TNRC18: variants seen among roughly 807,000 people sequenced by gnomAD.
TNRC18 encodes trinucleotide repeat-containing gene 18 protein.
Under a neutral mutation model 226.7 loss-of-function variants are expected in TNRC18, and 69 were observed. The observed-to-expected ratio is 0.30, with a 90% CI of 0.25 to 0.37. The LOEUF is 0.37. TNRC18 is among the 10% of genes least tolerant of loss of function. TNRC18 has a pLI of 1.00. For synonymous variants in TNRC18, 2,449 were observed against 1,927.6 expected, an observed-to-expected ratio of 1.27 and a Z score of -7.09; for missense variants, 4,754 against 4,256.6, an observed-to-expected ratio of 1.12 and a Z score of -3.25.
chr7:5,364,036 G>A (rs993111018), intron 11 of TNRC18, among the ~76,000 whole-genome samples: 15 of 152,196 alleles, frequency 9.9e-5, no homozygotes, highest in African/African-American at 3.1e-4. Context: ...AGTGGCTCAC[G>A]CCTGTAATCC....
intron 19 of TNRC18, among the ~76,000 whole-genome samples, chr7:5,325,756 A>G: frequency 9.0e-6 from 1 of 110,868 alleles, no homozygotes; most frequent in Non-Finnish European, 1.7e-5. Context: ...TTTTTTTTAG[A>G]GACAAGGTCT....
chr7:5,314,305 T>C (rs1435436881), intron 26 of TNRC18, among the ~76,000 whole-genome samples: 4 of 152,162 alleles, frequency 2.6e-5, no homozygotes, highest in African/African-American at 9.7e-5. Flanking sequence ...CTGCTACTTC[T>C]TGAGCAGAAC....
rs1780095889 is a variant in TNRC18 at position 5,389,311 on chromosome 7, C to G, written c.513G>C (p.Gly171=). 7.8e-7 allele frequency: 1 copy of G among 1,279,846 alleles called. No homozygotes were observed. The highest frequency in any genetic ancestry group is 1.5e-5 in the African/African-American group (1 of 65,082). 79.3% of individuals were successfully genotyped at this position (1,279,846 alleles called of 1,614,324 possible). A position where few individuals can be genotyped will look rare whatever the true frequency, so the allele number is the denominator to read the frequency against. ...GGDGFYLPTA[G]APGSLHSHAP... is the part of the protein sequence containing the mutation. Reference sequence around the variant, plus strand: ...CGTGAGAGTGCAGGGAGCCCGGAGCCCCCGCGGTGGGCAGGTAGAAACCGT... The same window carrying G: ...CGTGAGAGTGCAGGGAGCCCGGAGCGCCCGCGGTGGGCAGGTAGAAACCGT... Residue 171 remains glycine (G), a synonymous_variant, in exon 5 of 30, where the codon GGG becomes GGC. Transcript: ENST00000430969.
chr7:5,315,908 G>A, intron 25 of TNRC18, 48 bp downstream of exon 25: 1 of 1,433,184 alleles, frequency 7.0e-7, no homozygotes, highest in Non-Finnish European at 9.4e-7. Context: ...GAGAGCCTGG[G>A]TGGGCGGCCC....
chr7:5,401,406 C>G (rs1010059120), intron 2 of TNRC18, among the ~76,000 whole-genome samples: 4 of 152,176 alleles, frequency 2.6e-5, no homozygotes, highest in Admixed American at 2.6e-4. Context: ...CTGCACACTC[C>G]CGCCTGTCTA....
chr7:5,369,318 C>A (rs1240182495), intron 11 of TNRC18, among the ~76,000 whole-genome samples: 1 of 152,192 alleles, frequency 6.6e-6, no homozygotes, highest in Non-Finnish European at 1.5e-5. Flanking sequence ...CACTGCACAC[C>A]AGCCTGGGTG....
At chr7:5,381,666 GA>G (rs1265010763) in intron 5 of TNRC18, among the ~76,000 whole-genome samples, 1 of 152,118 alleles carries the variant, frequency 6.6e-6, no homozygotes, top group African/African-American at 2.4e-5. Flanking sequence ...AAGACTGAAA[GA>G]AAGAAAAGTA....
At chr7:5,360,166 C>A (rs1001362553) in intron 14 of TNRC18, among the ~76,000 whole-genome samples, 9 of 151,958 alleles carry the variant, frequency 5.9e-5, no homozygotes, top group Non-Finnish European at 1.2e-4. Context: ...GTGTTAGTGG[C>A]TTTATATTTT....
intron 2 of TNRC18, among the ~76,000 whole-genome samples, chr7:5,397,139 C>T (rs1043108613): frequency 6.6e-5 from 10 of 152,030 alleles, no homozygotes; most frequent in Non-Finnish European, 1.0e-4. Flanking sequence ...CAGCGCCAAG[C>T]CCTCGGGCCC....
rs1246363174 is a variant in TNRC18, at chr7:5,394,619, C to T, written c.188-24G>A. On this transcript the variant is annotated intron_variant, in intron 2 of 29. Coordinates refer to ENST00000430969, the MANE Select transcript of TNRC18 (RefSeq NM_001080495.3). The surrounding 1 kb of genome is among the most constrained non-coding windows in gnomAD (Gnocchi z 4.5). ...GCCTGCAGAGAGAAGTTGGGAGGAC[C>T]GTCAGGCAGACAACCAGGGAGGCGC... The T allele has an allele frequency of 4.6e-6, 7 of 1,530,476 alleles. No homozygotes were observed. The highest frequency in any genetic ancestry group is 4.2e-5 in the African/African-American group (3 of 71,330). The allele number at this position is 1,530,476 out of a possible 1,614,324, so 94.8% of individuals were successfully genotyped here.
chr7:5,361,201 C>T (rs576840007), intron 14 of TNRC18, among the ~76,000 whole-genome samples: 5 of 152,288 alleles, frequency 3.3e-5, no homozygotes, highest in African/African-American at 7.2e-5. Flanking sequence ...AGGTCCGGCA[C>T]GGCGGAGACC....
At chr7:5,345,388 G>A (rs993838833) in intron 18 of TNRC18, among the ~76,000 whole-genome samples, 174 bp downstream of exon 18, 10 of 152,212 alleles carry the variant, frequency 6.6e-5, no homozygotes, top group African/African-American at 2.4e-4. Context: ...GCAGGCCAGG[G>A]CCCCTGTCGC....
intron 18 of TNRC18, among the ~76,000 whole-genome samples, chr7:5,342,940 T>C (rs117720514): frequency 0.026 from 3,916 of 152,258 alleles, 114 homozygotes; most frequent in Admixed American, 0.079. Flanking sequence ...TCAGCAGCCA[T>C]CAACATCGAG....
intron 19 of TNRC18, among the ~76,000 whole-genome samples, chr7:5,327,324 G>C (rs879603095): frequency 5.3e-5 from 8 of 152,134 alleles, no homozygotes; most frequent in Admixed American, 5.2e-4. Context: ...AGAATATACA[G>C]TTTAATCCCC....
At chr7:5,363,873 G>A (rs1213884512) in intron 11 of TNRC18, among the ~76,000 whole-genome samples, 1 of 151,740 alleles carries the variant, frequency 6.6e-6, no homozygotes, top group African/African-American at 2.4e-5. Context: ...AAAAAAGACA[G>A]CCCGCTTCCT....
At chr7:5,314,491 C>T (rs1262261635) in intron 26 of TNRC18, among the ~76,000 whole-genome samples, 2 of 152,090 alleles carry the variant, frequency 1.3e-5, no homozygotes, top group African/African-American at 2.4e-5. Context: ...ACCAACCTGC[C>T]TCCCTCAGCC....
rs1270148623 is a variant in TNRC18 at position 5,325,200 on chromosome 7, G to A, written c.6196C>T (p.Arg2066Ter). The A allele has an allele frequency of 6.4e-7, 1 of 1,554,602 alleles. No homozygotes were observed. Among genetic ancestry groups the A allele is most frequent in the Non-Finnish European group, 8.7e-7 (1 of 1,150,720 alleles). The change falls in exon 20 of 30, where the codon CGA becomes TGA. Residue 2066 changes from arginine to a stop codon, truncating the protein, a stop_gained. Transcript: ENST00000430969. LOFTEE classifies it high-confidence loss of function. ...GCCTCAGAGGGCAAGGCAGGAGCTC[G>A]GGGCGGCGGCAGCCCAGCTCCTGGC... ...AGPGAGLPPP[R>*]APALPSEARA...
chr7:5,316,906 G>A (rs1346300975), intron 24 of TNRC18, among the ~76,000 whole-genome samples: 1 of 152,150 alleles, frequency 6.6e-6, no homozygotes, highest in Non-Finnish European at 1.5e-5. Flanking sequence ...GGCTGAGGGA[G>A]ACCTCAACAC....
At position 5,312,381 on chromosome 7, in the gene TNRC18, G is replaced by A; in HGVS notation, c.8388+122C>T. 1.4e-6 allele frequency: 2 copies of A among 1,404,252 alleles called. No homozygotes were observed. The highest frequency in any genetic ancestry group is 1.9e-6 in the Non-Finnish European group (2 of 1,067,730). The allele number at this position is 1,404,252 out of a possible 1,614,324, so 87.0% of individuals were successfully genotyped here. A position where few individuals can be genotyped will look rare whatever the true frequency, so the allele number is the denominator to read the frequency against. On this transcript the variant is annotated intron_variant, in intron 27 of 29. Coordinates refer to ENST00000430969, the MANE Select transcript of TNRC18 (RefSeq NM_001080495.3). This position sits in a 1 kb window ranked among gnomAD's most constrained non-coding sequence, Gnocchi z 6.3. ...TACCCATCCATAAAGTGGGACGCCA[G>A]CCCTCCACCCTGGGGTTCTGGGAGG... is the stretch of plus-strand genomic sequence containing the variant.
Sources: gnomAD v4.1 joint callset for allele counts (sites outside exome capture counted in the v4.1 genomes callset) on GRCh38, gnomAD v4.1.1 for gene constraint, Gnocchi (gnomAD v3.1) non-coding constraint, MANE v1.5 for transcripts, NCBI Gene and HGNC (gene_info 2026-07-23, HGNC 2026-07-21) for gene names.